The following ZFAND3 variants were observed in gnomAD, a reference collection of about 807,000 sequenced individuals.
The protein encoded by ZFAND3 is AN1-type zinc finger protein 3.
In ZFAND3, 10 loss-of-function variants were observed where a neutral mutation model predicts 29.6. The ratio of observed to expected loss-of-function variants is 0.34; its 90% CI spans 0.21 to 0.57. The LOEUF is 0.57. Among genes scored for constraint, ZFAND3 ranks in the 20% least tolerant of loss-of-function variants. The probability of loss-of-function intolerance (pLI) is 0.86; values close to 1 mark genes in which losing one functional copy is unlikely to be tolerated. For missense variants in ZFAND3, 230 were observed against 304.5 expected (o/e 0.76, Z 1.82); for synonymous variants, 128 against 112.6 (o/e 1.14, Z -0.87).
chr6:38,147,678 T>C (rs984456070), intron 5 of ZFAND3, among the ~76,000 whole-genome samples: 1 of 152,234 alleles, frequency 6.6e-6, no homozygotes, highest in African/African-American at 2.4e-5. Flanking sequence ...CCATACTGAC[T>C]GGGGTAAGAT....
At chr6:37,855,015 A>G (rs1031561511) in intron 1 of ZFAND3, among the ~76,000 whole-genome samples, 2 of 105,324 alleles carry the variant, frequency 1.9e-5, no homozygotes, top group African/African-American at 7.2e-5. Flanking sequence ...TTGCTGGATT[A>G]TGGTATGGTT....
chr6:37,895,459 CTT>C (rs11331881), intron 1 of ZFAND3, among the ~76,000 whole-genome samples: 7,652 of 77,310 alleles, frequency 0.099, 84 homozygotes, highest in African/African-American at 0.12. Flanking sequence ...CTCAGAGGTT[CTT>C]TTTTTTTTTT....
chr6:37,918,233 C>A (rs1191587911), intron 1 of ZFAND3, among the ~76,000 whole-genome samples: 1 of 151,986 alleles, frequency 6.6e-6, no homozygotes, highest in East Asian at 1.9e-4. Flanking sequence ...CCCACCACCA[C>A]GCTGGCTAAT....
chr6:37,875,275 A>G (rs1764771304), intron 1 of ZFAND3, among the ~76,000 whole-genome samples: 1 of 152,202 alleles, frequency 6.6e-6, no homozygotes. Flanking sequence ...GTAATAAAAG[A>G]AGGCTTGGAA....
chr6:37,946,573 CCT>C (rs1472057387), intron 2 of ZFAND3, among the ~76,000 whole-genome samples: 4 of 152,036 alleles, frequency 2.6e-5, no homozygotes, highest in Non-Finnish European at 5.9e-5. Flanking sequence ...TTTTTTTCCC[CCT>C]TTTTGGTGTC....
In ZFAND3 at chr6:37,929,943, T is replaced by G. The variant is rs1561937715; in HGVS notation, c.72-16T>G. The stretch of plus-strand genomic sequence containing the variant: ...TTTTAGCTCTTCTTTCTTTCTTTTC[T>G]TTTTGTTTGCCCCAGGTCCAGCAAG... On this transcript the variant is annotated splice_polypyrimidine_tract_variant and intron_variant, in intron 1 of 5. Transcript: ENST00000287218. 1 of 1,589,478 alleles carries G rather than the reference T, an allele frequency of 6.3e-7. No homozygotes were observed.
At chr6:37,933,883 A>ATTTTTT (rs58837762) in intron 2 of ZFAND3, among the ~76,000 whole-genome samples, 2 of 116,524 alleles carry the variant, frequency 1.7e-5, no homozygotes, top group Non-Finnish European at 1.7e-5. Context: ...TCTCTCTCTC[A>ATTTTTT]TTTTTTTTTT....
chr6:38,072,465 C>T (rs899454313), intron 3 of ZFAND3, among the ~76,000 whole-genome samples: 3 of 152,034 alleles, frequency 2.0e-5, no homozygotes, highest in Admixed American at 1.3e-4. Flanking sequence ...TTTAAATGTT[C>T]GTATTAAATT....
chr6:37,907,140 TAACA>T (rs879791082), intron 1 of ZFAND3, among the ~76,000 whole-genome samples: 2 of 152,172 alleles, frequency 1.3e-5, no homozygotes, highest in Non-Finnish European at 2.9e-5. Flanking sequence ...CTGTCTGCAC[TAACA>T]AATTATCAGA....
chr6:38,019,873 C>T (rs1763316693), intron 2 of ZFAND3, among the ~76,000 whole-genome samples: 1 of 152,208 alleles, frequency 6.6e-6, no homozygotes, highest in Non-Finnish European at 1.5e-5. Context: ...CGGCACATGC[C>T]ACCACACCCA....
intron 1 of ZFAND3, among the ~76,000 whole-genome samples, chr6:37,900,246 CTT>C (rs1473645774): frequency 1.3e-5 from 2 of 152,118 alleles, no homozygotes; most frequent in Non-Finnish European, 2.9e-5. Flanking sequence ...CCCATATTAT[CTT>C]AATGTTTTTA....
At position 37,891,416 on chromosome 6, in the gene ZFAND3, T is replaced by TCCCCCGC. The variant is rs368358350; in HGVS notation, c.72-38538_72-38537insGCCCCCC. On this transcript the variant is annotated intron_variant, in intron 1 of 5. Transcript: ENST00000287218. Reference sequence around the variant, plus strand: ...TTTGACAAATAGTTGGAGATTTCAGTCCCCCCCCCCGCCTTTAAAATACAA... The same window carrying TCCCCCGC: ...TTTGACAAATAGTTGGAGATTTCAGTCCCCCGCCCCCCCCCCCGCCTTTAAAATACAA... Among the ~76,000 whole-genome samples, 682 of 117,044 alleles carry TCCCCCGC rather than the reference T, an allele frequency of 5.8e-3. 18 individuals are homozygous for TCCCCCGC. In the South Asian group the frequency reaches 0.061, roughly 10 times the overall value. The allele number at this position is 117,044 out of a possible 152,430, so 76.8% of individuals were successfully genotyped here.
chr6:37,854,488 G>A (rs1380560888), intron 1 of ZFAND3, among the ~76,000 whole-genome samples: 1 of 152,116 alleles, frequency 6.6e-6, no homozygotes, highest in Non-Finnish European at 1.5e-5. Flanking sequence ...CAGGTCCCCA[G>A]GTTATTATAA....
intron 2 of ZFAND3, among the ~76,000 whole-genome samples, chr6:38,005,139 G>C (rs1763026968): frequency 6.6e-6 from 1 of 152,188 alleles, no homozygotes; most frequent in African/African-American, 2.4e-5. Context: ...CTGCTCAGCA[G>C]ATTTGCAGAG....
intron 1 of ZFAND3, among the ~76,000 whole-genome samples, chr6:37,861,327 T>C (rs1764486997): frequency 6.6e-6 from 1 of 152,098 alleles, no homozygotes; most frequent in Non-Finnish European, 1.5e-5. Context: ...AAGGCTATCA[T>C]AGTGTTGTAG....
chr6:37,862,022 G>A (rs1168085413), intron 1 of ZFAND3, among the ~76,000 whole-genome samples: 3 of 152,144 alleles, frequency 2.0e-5, no homozygotes, highest in African/African-American at 7.2e-5. Context: ...GTTGGGCTAT[G>A]ACTTCAGAAT....
chr6:38,059,046 A>T (rs1764185397), intron 2 of ZFAND3, among the ~76,000 whole-genome samples: 1 of 152,224 alleles, frequency 6.6e-6, no homozygotes, highest in Non-Finnish European at 1.5e-5. Context: ...CTCTGAATTG[A>T]TATAATAAAC....
intron 2 of ZFAND3, among the ~76,000 whole-genome samples, chr6:38,000,900 A>G (rs1312834585): frequency 6.6e-6 from 1 of 152,180 alleles, no homozygotes; most frequent in Non-Finnish European, 1.5e-5. Context: ...CAACCAAACC[A>G]TATCACTGAC....
chr6:38,073,579 G>A (rs1314091865), intron 3 of ZFAND3, among the ~76,000 whole-genome samples: 1 of 152,130 alleles, frequency 6.6e-6, no homozygotes, highest in Non-Finnish European at 1.5e-5. Flanking sequence ...TCTAAAATTA[G>A]TACTGATTTT....
Sources: allele counts gnomAD v4.1 joint callset (sites outside exome capture counted in the v4.1 genomes callset), GRCh38; gene constraint gnomAD v4.1.1; transcripts MANE v1.5; gene names NCBI Gene and HGNC (gene_info 2026-07-23, HGNC 2026-07-21).